The following EFL1 variants were observed in gnomAD, a reference collection of about 807,000 sequenced individuals.
EFL1 encodes elongation factor-like GTPase 1.
EFL1 carries 76 observed loss-of-function variants against 126.7 expected under a neutral mutation model. That is an observed-to-expected ratio of 0.60 (90% confidence interval 0.50 to 0.73). The LOEUF is 0.73. Ranked by LOEUF, EFL1 falls within the 30% of genes least tolerant of loss-of-function variation. The pLI, the probability that EFL1 is intolerant of heterozygous loss-of-function variation, is 0.00. For missense variants in EFL1, 1,128 were observed against 1,343.2 expected (o/e 0.84, Z 2.50); for synonymous variants, 410 against 448.4 (o/e 0.91, Z 1.08).
chr15:82,262,676 C>G lies in EFL1; in HGVS notation c.-82G>C, dbSNP rs561717187. On this transcript the variant is annotated 5_prime_UTR_variant, in exon 1 of 20. Coordinates refer to ENST00000268206, the MANE Select transcript of EFL1 (RefSeq NM_024580.6). ...GGGTCGCACCCACACCGAGAGCTTC[C>G]GAAAGTCCGAGAGCTCTGCGGGTCC... The G allele has an allele frequency of 1.5e-4, 85 of 560,074 alleles. 1 individual carries two copies. In the East Asian group the frequency reaches 2.9e-3, roughly 19 times the overall value. The allele number at this position is 560,074 out of a possible 1,614,324, so 34.7% of individuals were successfully genotyped here. A position where few individuals can be genotyped will look rare whatever the true frequency, so the allele number is the denominator to read the frequency against.
intron 15 of EFL1, among the ~76,000 whole-genome samples, chr15:82,168,761 T>G (rs2074103654): frequency 6.6e-6 from 1 of 152,158 alleles, no homozygotes; most frequent in Admixed American, 6.5e-5. Flanking sequence ...TGATCCGCCC[T>G]CCTTGGCCTC....
At chr15:82,166,842 A>T (rs1264728224) in intron 15 of EFL1, among the ~76,000 whole-genome samples, 1 of 152,090 alleles carries the variant, frequency 6.6e-6, no homozygotes, top group African/African-American at 2.4e-5. Context: ...AAATCATGTG[A>T]TTTTCATTTC....
rs914856821 is a variant in EFL1, at chr15:82,259,817, T to C, written c.92-662A>G. The stretch of plus-strand genomic sequence containing the variant: ...TTTTTTCCTTCAAGACAAGTCTTTA[T>C]TGCACTTTAGGAACTTCAGCAAAGC... On this transcript the variant is annotated intron_variant, in intron 2 of 19. Transcript: ENST00000268206. 2.6e-5 allele frequency among the ~76,000 whole-genome samples: 4 copies of C among 152,310 alleles called. No individual in the cohort carries two copies. The South Asian group carries it at 6.2e-4, about 24-fold the overall frequency.
In EFL1 at chr15:82,138,727, A is replaced by C; in HGVS notation, c.3105T>G (p.Gly1035=). Residue 1035 remains glycine (G), a synonymous_variant, in exon 19 of 20, where the codon GGT becomes GGG. Transcript: ENST00000268206. ...KAVLPVAESF[G]FADEIRKRTS... is the part of the protein sequence containing the mutation. ...TCCTCTTCCTGATTTCATCAGCAAA[A>C]CCAAAGCTTTCAGCAACAGGCAGCA... 3 of 1,614,014 alleles carry C rather than the reference A, an allele frequency of 1.9e-6. No individual in the cohort carries two copies. Among genetic ancestry groups the C allele is most frequent in the Non-Finnish European group, 1.7e-6 (2 of 1,179,924 alleles).
At chr15:82,141,607 G>C (rs1273372854) in intron 18 of EFL1, among the ~76,000 whole-genome samples, 1 of 150,590 alleles carries the variant, frequency 6.6e-6, no homozygotes, top group Non-Finnish European at 1.5e-5. Context: ...TTGGGAGGTG[G>C]AGATTGCAGT....
chr15:82,197,792 G>C (rs2141278194), intron 15 of EFL1, among the ~76,000 whole-genome samples: 1 of 152,234 alleles, frequency 6.6e-6, no homozygotes, highest in African/African-American at 2.4e-5. Flanking sequence ...GGTTGAAACA[G>C]CAGGCTAAAT....
At position 82,262,597 on chromosome 15, in the gene EFL1, C is replaced by T; in HGVS notation, c.-20+17G>A. ...TGGCCTAGGAGGTTCCAGCCCCCAG[C>T]GCCAGCCCACACTCACCGGCTGCAG... On this transcript the variant is annotated intron_variant, in intron 1 of 19. Transcript: ENST00000268206. The T allele has an allele frequency of 5.5e-6, 2 of 366,758 alleles. No homozygotes were observed. The highest frequency in any genetic ancestry group is 5.8e-5 in the South Asian group (2 of 34,604). 22.7% of individuals were successfully genotyped at this position (366,758 alleles called of 1,614,324 possible). A position where few individuals can be genotyped will look rare whatever the true frequency, so the allele number is the denominator to read the frequency against.
chr15:82,185,102 G>A (rs1474888283), intron 15 of EFL1, among the ~76,000 whole-genome samples: 1 of 151,486 alleles, frequency 6.6e-6, no homozygotes, highest in African/African-American at 2.4e-5. Context: ...ATTTACAAAT[G>A]AACTCACACA....
intron 15 of EFL1, among the ~76,000 whole-genome samples, chr15:82,187,462 G>A (rs1467907356): frequency 6.6e-6 from 1 of 152,050 alleles, no homozygotes; most frequent in Non-Finnish European, 1.5e-5. Context: ...TTAACTTTGA[G>A]TTTTAGTTTA....
chr15:82,197,781 A>C (rs1054383117), intron 15 of EFL1, among the ~76,000 whole-genome samples: 1 of 152,184 alleles, frequency 6.6e-6, no homozygotes, highest in Non-Finnish European at 1.5e-5. Flanking sequence ...GTCATTCTTC[A>C]GGTTGAAACA....
intron 7 of EFL1, among the ~76,000 whole-genome samples, chr15:82,235,320 A>G (rs2074861986): frequency 6.6e-6 from 1 of 152,242 alleles, no homozygotes. Flanking sequence ...AAGCTAGACT[A>G]ACTTTTGCTA....
At chr15:82,206,044 A>C (rs766310113) in intron 15 of EFL1, among the ~76,000 whole-genome samples, 1 of 152,246 alleles carries the variant, frequency 6.6e-6, no homozygotes, top group Non-Finnish European at 1.5e-5. Context: ...TAAAGAAATC[A>C]GTGGCTTGTC....
In EFL1 at chr15:82,248,476, A is replaced by C. The variant is rs151227378; in HGVS notation, c.244+4215T>G. On this transcript the variant is annotated intron_variant, in intron 4 of 19. Transcript: ENST00000268206. ...GTCTCCATGGCCTAGTCTTCGGAGT[A>C]TAAAACCAGAGAGCCACAGAGCTGA... Among the ~76,000 whole-genome samples the C allele has an allele frequency of 5.9e-5, 9 of 152,296 alleles. No homozygotes were observed. The East Asian group carries it at 1.5e-3, about 26-fold the overall frequency.
chr15:82,214,827 T>C lies in EFL1; in HGVS notation c.1640A>G (p.Asp547Gly), dbSNP rs2074628478. ...RVPLGFSAPP[D>G]GLPQVPHMAY... is the part of the protein sequence containing the mutation. ...CATGTGGGGGACTTGGGGGAGGCCA[T>C]CTGGTGGAGCTGAGAAGCCTAATGG... The change falls in exon 15 of 20, where the codon GAT (aspartate) becomes GGT (glycine). Residue 547 changes from aspartate to glycine, a missense_variant. Asp to Gly is a moderately conservative substitution (Grantham distance 94). Coordinates refer to ENST00000268206, the MANE Select transcript of EFL1 (RefSeq NM_024580.6). The C allele has an allele frequency of 3.1e-6, 5 of 1,589,340 alleles. No homozygotes were observed. The highest frequency in any genetic ancestry group is 1.7e-4 in the Middle Eastern group (1 of 5,918).
intron 7 of EFL1, among the ~76,000 whole-genome samples, chr15:82,232,390 T>C (rs2074831479): frequency 1.3e-5 from 2 of 152,246 alleles, no homozygotes; most frequent in South Asian, 4.1e-4. Context: ...GGACCAATTT[T>C]TGTATATCCT....
intron 14 of EFL1, among the ~76,000 whole-genome samples, chr15:82,216,033 T>C (rs1282515951): frequency 6.6e-6 from 1 of 152,116 alleles, no homozygotes; most frequent in East Asian, 1.9e-4. Context: ...CTTAGCAAGG[T>C]GGCAAAAATG....
chr15:82,166,096 C>T (rs2074076979), intron 15 of EFL1, among the ~76,000 whole-genome samples: 1 of 152,160 alleles, frequency 6.6e-6, no homozygotes, highest in Admixed American at 6.5e-5. Flanking sequence ...AGGAAAACCC[C>T]ATAGTAAATA....
chr15:82,133,870 T>A (rs567154896), intron 19 of EFL1, among the ~76,000 whole-genome samples: 1 of 152,200 alleles, frequency 6.6e-6, no homozygotes, highest in South Asian at 2.1e-4. Context: ...AAGAACCAAG[T>A]GAGTCTGTGT....
intron 8 of EFL1, among the ~76,000 whole-genome samples, chr15:82,229,344 AT>A (rs1172806099): frequency 6.6e-6 from 1 of 152,204 alleles, no homozygotes; most frequent in African/African-American, 2.4e-5. Context: ...TGATATGACC[AT>A]TTGTGGGTCA....
Sources: allele counts gnomAD v4.1 joint callset (sites outside exome capture counted in the v4.1 genomes callset), GRCh38; gene constraint gnomAD v4.1.1; transcripts MANE v1.5; gene names NCBI Gene and HGNC (gene_info 2026-07-23, HGNC 2026-07-21).